IQCN: variants seen among roughly 807,000 people sequenced by gnomAD.
The protein encoded by IQCN is IQ domain-containing protein N.
A neutral mutation model predicts 64.4 loss-of-function variants in IQCN; 46 were observed. The observed-to-expected ratio is 0.71, with a 90% CI of 0.56 to 0.91. The LOEUF is 0.91. Ranked by LOEUF, IQCN falls within the 40% of genes least tolerant of loss-of-function variation. The pLI, the probability that IQCN is intolerant of heterozygous loss-of-function variation, is 0.00. For synonymous variants in IQCN, 733 were observed against 775.6 expected (o/e 0.95, Z 0.91); for missense variants, 1,753 against 1,857.4 (o/e 0.94, Z 1.03).
intron 3 of IQCN, among the ~76,000 whole-genome samples, chr19:18,263,019 G>A (rs2148098198): frequency 6.6e-6 from 1 of 152,312 alleles, no homozygotes; most frequent in Non-Finnish European, 1.5e-5. Context: ...GTTAGACACT[G>A]AGCTGTGTTG....
chr19:18,264,581 G>A lies in IQCN; in HGVS notation c.2959C>T (p.Leu987=), dbSNP rs1318817686. The change falls in exon 3 of 4, where the codon CTG becomes TTG. Residue 987 remains leucine (L), a synonymous_variant. Transcript: ENST00000392413. The surrounding 1 kb of genome is among the most constrained non-coding windows in gnomAD (Gnocchi z 4.3). ...KALTEEEWVA[L]SQALCQGELG... is the part of the protein sequence containing the mutation. ...TCACCCTGACACAGGGCCTGGCTCA[G>A]AGCCACCCACTCCTCCTCCGTCAAA... 1 of 1,551,328 alleles carries A rather than the reference G, an allele frequency of 6.4e-7. No homozygotes were observed. Among genetic ancestry groups the A allele is most frequent in the Non-Finnish European group, 8.7e-7 (1 of 1,146,978 alleles).
At position 18,265,844 on chromosome 19, in the gene IQCN, C is replaced by T; in HGVS notation, c.1696G>A (p.Val566Met). ...ATVNVKQAAK[V>M]VKASSPSYLA... ...TAGGAGGGGGATGAGGCTTTCACCA[C>T]CTTTGCAGCCTGCTTCACATTCACG... Residue 566 changes from valine to methionine, a missense_variant, in exon 3 of 4, where the codon GTG (valine) becomes ATG (methionine). By Grantham distance (21) the Val-to-Met change is conservative. Coordinates refer to ENST00000392413, the MANE Select transcript of IQCN (RefSeq NM_001145304.2). The surrounding 1 kb of genome is among the most constrained non-coding windows in gnomAD (Gnocchi z 4.7). The T allele has an allele frequency of 5.0e-6, 8 of 1,614,156 alleles. No homozygotes were observed. Among genetic ancestry groups the T allele is most frequent in the African/African-American group, 1.3e-5 (1 of 75,046 alleles).
At position 18,257,697 on chromosome 19, in the gene IQCN, C is replaced by T. The variant is rs1387681527; in HGVS notation, c.3587G>A (p.Ser1196Asn). Residue 1196 changes from serine to asparagine, a missense_variant, in exon 4 of 4, where the codon AGC becomes AAC. Transcript: ENST00000392413. Reference sequence around the variant, plus strand: ...TCGGTCAGACATGACCCCGGCCCGGCTGCCCAGCTCCACCCACGTGACGGG... The same window carrying T: ...TCGGTCAGACATGACCCCGGCCCGGTTGCCCAGCTCCACCCACGTGACGGG... ...LHPVTWVELG[S>N]RAGVMSDRSW... 1 of 1,603,390 alleles carries T rather than the reference C, an allele frequency of 6.2e-7. No homozygotes were observed. Among genetic ancestry groups the T allele is most frequent in the Non-Finnish European group, 8.5e-7 (1 of 1,173,870 alleles).
chr19:18,263,116 T>C (rs1297583792), intron 3 of IQCN, among the ~76,000 whole-genome samples: 1 of 152,122 alleles, frequency 6.6e-6, no homozygotes, highest in Non-Finnish European at 1.5e-5. Flanking sequence ...GTCTCTTGCG[T>C]ATCCTTAAAC....
At position 18,257,388 on chromosome 19, in the gene IQCN, C is replaced by T. The variant is rs562355836; in HGVS notation, c.3896G>A (p.Arg1299His). Residue 1299 changes from arginine (R) to histidine (H), a missense_variant, in exon 4 of 4, where the codon CGC (arginine) becomes CAC (histidine). Transcript: ENST00000392413. ...LAALSPRQPH[R>H]QDKAATAIQS... Reference sequence around the variant, plus strand: ...GATGGCTGTGGCCGCTTTGTCCTGGCGATGCGGCTGCCTGGGACTCAGGGC... The same window carrying T: ...GATGGCTGTGGCCGCTTTGTCCTGGTGATGCGGCTGCCTGGGACTCAGGGC... The T allele has an allele frequency of 2.6e-5, 42 of 1,611,194 alleles. 1 individual carries two copies. The Admixed American group carries it at 3.7e-4, about 14-fold the overall frequency.
chr19:18,259,486 C>T (rs77654403), intron 3 of IQCN: 3,838 of 152,376 alleles, frequency 0.025, 54 homozygotes, highest in African/African-American at 0.032. Flanking sequence ...CAACTGGACA[C>T]AGAGCCTGCG....
chr19:18,264,853 G>A lies in IQCN; in HGVS notation c.2687C>T (p.Thr896Ile), dbSNP rs1239118230. 1 of 1,600,574 alleles carries A rather than the reference G, an allele frequency of 6.2e-7. No individual in the cohort carries two copies. Among genetic ancestry groups the A allele is most frequent in the Non-Finnish European group, 8.5e-7 (1 of 1,173,986 alleles). The change falls in exon 3 of 4, where the codon ACT (threonine) becomes ATT (isoleucine). Residue 896 changes from threonine (T) to isoleucine (I), a missense_variant. Physicochemically the swap from Thr to Ile is moderately conservative, Grantham distance 89. Coordinates refer to ENST00000392413, the MANE Select transcript of IQCN (RefSeq NM_001145304.2). The surrounding 1 kb of genome is among the most constrained non-coding windows in gnomAD (Gnocchi z 4.3). ...GVLASQEDLR[T>I]LLAKALSQGE... Reference sequence around the variant, plus strand: ...CTGGGAGAGGGCTTTGGCCAACAGAGTGCGGAGATCCTCCTGGGATGCCAG... The same window carrying A: ...CTGGGAGAGGGCTTTGGCCAACAGAATGCGGAGATCCTCCTGGGATGCCAG...
chr19:18,269,023 G>A (rs1479928655), intron 2 of IQCN, among the ~76,000 whole-genome samples: 2 of 149,812 alleles, frequency 1.3e-5, no homozygotes, highest in Non-Finnish European at 3.0e-5. Context: ...CCAGCTAGTC[G>A]GGAGGCTGAG....
Position 18,264,237 on chromosome 19 carries a change from A to G in IQCN, c.3177+126T>C. On this transcript the variant is annotated intron_variant, in intron 3 of 3. Coordinates refer to ENST00000392413, the MANE Select transcript of IQCN (RefSeq NM_001145304.2). This position sits in a 1 kb window ranked among gnomAD's most constrained non-coding sequence, Gnocchi z 4.3. ...GACGCTACCCATCACCGAGGCTCCC[A>G]CAGTGACCACAGATAAGCAGGGTGA... 1 of 827,408 alleles carries G rather than the reference A, an allele frequency of 1.2e-6. No homozygotes were observed. The highest frequency in any genetic ancestry group is 1.8e-6 in the Non-Finnish European group (1 of 548,612). 51.3% of individuals were successfully genotyped at this position (827,408 alleles called of 1,614,324 possible).
chr19:18,265,030 G>A lies in IQCN; in HGVS notation c.2510C>T (p.Ala837Val), dbSNP rs1969523101. 1.2e-6 allele frequency: 2 copies of A among 1,601,750 alleles called. No homozygotes were observed. Among genetic ancestry groups the A allele is most frequent in the South Asian group, 1.1e-5 (1 of 91,070 alleles). ...GTTGCATGTGGAATGGCCGGTGGGT[G>A]CCATCGGCGGCACCAGCATACCCTG... is the stretch of plus-strand genomic sequence containing the variant. ...EVQGMLVPPM[A>V]PTGHSTCNVE... The change falls in exon 3 of 4, where the codon GCA becomes GTA. Residue 837 changes from alanine to valine, a missense_variant. Physicochemically the swap from Ala to Val is moderately conservative, Grantham distance 64. Transcript: ENST00000392413. This position sits in a 1 kb window ranked among gnomAD's most constrained non-coding sequence, Gnocchi z 4.7.
chr19:18,258,146 G>A (rs202012875), intron 3 of IQCN, 40 bp from the exon 4 acceptor site: 51 of 1,596,798 alleles, frequency 3.2e-5, no homozygotes, highest in South Asian at 7.7e-5. Flanking sequence ...TGTGACTAAC[G>A]GCAGGATTCT....
At position 18,265,448 on chromosome 19, in the gene IQCN, T is replaced by C. The variant is rs369942196; in HGVS notation, c.2092A>G (p.Thr698Ala). 1 of 1,613,830 alleles carries C rather than the reference T, an allele frequency of 6.2e-7. No individual in the cohort carries two copies. The highest frequency in any genetic ancestry group is 8.5e-7 in the Non-Finnish European group (1 of 1,179,836). The change falls in exon 3 of 4, where the codon ACT becomes GCT. Residue 698 changes from threonine (T) to alanine (A), a missense_variant. Transcript: ENST00000392413. This position sits in a 1 kb window ranked among gnomAD's most constrained non-coding sequence, Gnocchi z 4.7. ...TKASSQGHLP[T>A]ELTKTPSLAH... ...AGGGATGGGGTCTTGGTCAGCTCAG[T>C]GGGCAGATGTCCCTGAGATGAGGCC...
chr19:18,268,499 G>C (rs1402155891), intron 2 of IQCN, among the ~76,000 whole-genome samples: 1 of 152,032 alleles, frequency 6.6e-6, no homozygotes, highest in East Asian at 1.9e-4. Flanking sequence ...TGAAGGTTTG[G>C]ATGAATAGGT....
In IQCN at chr19:18,258,070, A is replaced by T. The variant is rs1297107743; in HGVS notation, c.3214T>A (p.Trp1072Arg). Residue 1072 changes from tryptophan (W) to arginine (R), a missense_variant, in exon 4 of 4, where the codon TGG (tryptophan) becomes AGG (arginine). Coordinates refer to ENST00000392413, the MANE Select transcript of IQCN (RefSeq NM_001145304.2). Reference protein sequence around the residue: ...ADAGVVGGQSWNRAWEPARGA... With the variant: ...ADAGVVGGQSRNRAWEPARGA... ...CTGGCTGGCTCCCATGCGCGGTTCC[A>T]CGATTGGCCACCAACCACACCAGCG... The T allele has an allele frequency of 1.2e-6, 2 of 1,611,998 alleles. No individual in the cohort carries two copies. Among genetic ancestry groups the T allele is most frequent in the Non-Finnish European group, 1.7e-6 (2 of 1,180,008 alleles).
chr19:18,269,542 G>A lies in IQCN; in HGVS notation c.-64C>T, dbSNP rs1219908022. ...AGAAGCCAGCCTGCAAGAGGAGGCAGCCTTCAGCCTTTCATCCATGCAATA... is the reference window on the plus strand; with the variant it reads ...AGAAGCCAGCCTGCAAGAGGAGGCAACCTTCAGCCTTTCATCCATGCAATA... On this transcript the variant is annotated 5_prime_UTR_variant, in exon 2 of 4. Transcript: ENST00000392413. 15 of 1,575,078 alleles carry A rather than the reference G, an allele frequency of 9.5e-6. No individual in the cohort carries two copies. Among genetic ancestry groups the A allele is most frequent in the Admixed American group, 1.7e-5 (1 of 59,680 alleles).
At chr19:18,259,716 T>G (rs1431184979) in intron 3 of IQCN, 1 of 152,240 alleles carries the variant, frequency 6.6e-6, no homozygotes, top group African/African-American at 2.4e-5. Context: ...GTGCCAGCAG[T>G]CTATGTTTTT....
intron 3 of IQCN, chr19:18,261,637 G>A (rs1471852427): frequency 6.5e-6 from 1 of 153,664 alleles, no homozygotes; most frequent in Non-Finnish European, 1.4e-5. Flanking sequence ...GCCATAAATG[G>A]GTAGGCTGGG....
In IQCN at chr19:18,266,186, T is replaced by C. The variant is rs745608526; in HGVS notation, c.1354A>G (p.Lys452Glu). Residue 452 changes from lysine to glutamate, a missense_variant, in exon 3 of 4, where the codon AAG becomes GAG. Transcript: ENST00000392413. This position sits in a 1 kb window ranked among gnomAD's most constrained non-coding sequence, Gnocchi z 4.3. The stretch of plus-strand genomic sequence containing the variant: ...ACCGGGTGCATCTGGGGTGGGGTCT[T>C]TGCCATCGCAGGCCCCGGGCATACC... ...PQVCPGPAMA[K>E]TPPQMHPVTT... is the part of the protein sequence containing the mutation. The C allele has an allele frequency of 6.2e-7, 1 of 1,614,054 alleles. No homozygotes were observed. Among genetic ancestry groups the C allele is most frequent in the Non-Finnish European group, 8.5e-7 (1 of 1,180,010 alleles).
At chr19:18,258,456 T>G in intron 3 of IQCN, 1 of 537,540 alleles carries the variant, frequency 1.9e-6, no homozygotes, top group East Asian at 4.6e-5. Context: ...AATCCTACCA[T>G]GCACGGATCT....
Sources: allele counts gnomAD v4.1 joint callset (sites outside exome capture counted in the v4.1 genomes callset), GRCh38; gene constraint gnomAD v4.1.1; non-coding constraint Gnocchi (gnomAD v3.1); transcripts MANE v1.5; gene names NCBI Gene and HGNC (gene_info 2026-07-23, HGNC 2026-07-21).